Variants in CCDC40 observed in about 807,000 individuals in gnomAD.
CCDC40 encodes the protein coiled-coil domain-containing protein 40.
Under a neutral mutation model 124.5 loss-of-function variants are expected in CCDC40, and 104 were observed. That is an observed-to-expected ratio of 0.84 (90% confidence interval 0.71 to 0.98). CCDC40 has a LOEUF of 0.98. Among genes scored for constraint, CCDC40 ranks in the 50% least tolerant of loss-of-function variants. CCDC40 has a pLI of 0.00. For missense variants in CCDC40, 1,463 were observed against 1,503.9 expected, an observed-to-expected ratio of 0.97 and a Z score of 0.45; for synonymous variants, 580 against 602.9, an observed-to-expected ratio of 0.96 and a Z score of 0.56.
intron 3 of CCDC40, among the ~76,000 whole-genome samples, chr17:80,042,153 C>G (rs1220227196): frequency 1.3e-5 from 2 of 152,174 alleles, no homozygotes; most frequent in Non-Finnish European, 2.9e-5. Context: ...TAGTCTCGCT[C>G]TGTCACCCAG....
intron 10 of CCDC40, among the ~76,000 whole-genome samples, chr17:80,069,091 C>G (rs1236958139): frequency 6.6e-6 from 1 of 152,226 alleles, no homozygotes; most frequent in Non-Finnish European, 1.5e-5. Context: ...TCCTGACACC[C>G]ATGGCATTTT....
intron 10 of CCDC40, among the ~76,000 whole-genome samples, chr17:80,079,111 A>T (rs2038384850): frequency 6.6e-6 from 1 of 151,742 alleles, no homozygotes; most frequent in Admixed American, 6.6e-5. Flanking sequence ...TTTTTTTTGT[A>T]TTTTTAGTAG....
intron 2 of CCDC40, among the ~76,000 whole-genome samples, chr17:80,039,443 C>T (rs904342659): frequency 1.3e-5 from 2 of 149,858 alleles, no homozygotes; most frequent in African/African-American, 4.9e-5. Context: ...GACAGAGTCT[C>T]ACTCTGTCTC....
intron 9 of CCDC40, among the ~76,000 whole-genome samples, chr17:80,064,950 C>T (rs996000279): frequency 6.6e-6 from 1 of 152,058 alleles, no homozygotes; most frequent in Non-Finnish European, 1.5e-5. Flanking sequence ...CAGTCCGAAT[C>T]AATGACACCA....
chr17:80,100,179 C>CTTA lies in CCDC40; in HGVS notation c.*404_*405insTTA, dbSNP rs2038896185. The CTTA allele has an allele frequency of 3.5e-6, 1 of 283,472 alleles. No individual in the cohort carries two copies. The highest frequency in any genetic ancestry group is 6.9e-6 in the Non-Finnish European group (1 of 144,526). 17.6% of individuals were successfully genotyped at this position (283,472 alleles called of 1,614,324 possible). A position where few individuals can be genotyped will look rare whatever the true frequency, so the allele number is the denominator to read the frequency against. On this transcript the variant is annotated 3_prime_UTR_variant, in exon 20 of 20. Transcript: ENST00000397545. Reference sequence around the variant, plus strand: ...GTGGGAAAGTTAAGGCAGCTCCAGCCAGCCTGGCCCGGGAGGCTGGTCCCC... The same window carrying CTTA: ...GTGGGAAAGTTAAGGCAGCTCCAGCCTTAAGCCTGGCCCGGGAGGCTGGTCCCC...
At chr17:80,097,084 C>T (rs2038823210) in intron 18 of CCDC40, among the ~76,000 whole-genome samples, 161 bp from the exon 19 acceptor site, 2 of 152,324 alleles carry the variant, frequency 1.3e-5, no homozygotes, top group South Asian at 4.1e-4. Flanking sequence ...CTGGGCCTGG[C>T]ATCTCCCAGG....
rs897996208 is a variant in CCDC40 at position 80,089,765 on chromosome 17, C to T, written c.2713C>T (p.His905Tyr). 3 of 1,614,212 alleles carry T rather than the reference C, an allele frequency of 1.9e-6. No individual in the cohort carries two copies. Among genetic ancestry groups the T allele is most frequent in the Non-Finnish European group, 2.5e-6 (3 of 1,180,012 alleles). ...TLLNQLVEAEHQIMLWEKKIQ... is the reference protein window; with the variant it reads ...TLLNQLVEAEYQIMLWEKKIQ... ...ACACTGCCTCTCCTACCTCTAAAGA[C>T]ACCAGATTATGCTTTGGGAGAAAAA... Residue 905 changes from histidine (H) to tyrosine (Y), a missense_variant and splice_region_variant, in exon 17 of 20, where the codon CAC (histidine) becomes TAC (tyrosine). His to Tyr is a moderately conservative substitution (Grantham distance 83). Coordinates refer to ENST00000397545, the MANE Select transcript of CCDC40 (RefSeq NM_017950.4).
At chr17:80,080,475 T>C (rs1331002641) in intron 10 of CCDC40, among the ~76,000 whole-genome samples, 1 of 152,230 alleles carries the variant, frequency 6.6e-6, no homozygotes, top group Non-Finnish European at 1.5e-5. Context: ...TACAGGTATC[T>C]CATCGCAGCA....
intron 10 of CCDC40, chr17:80,065,950 A>G (rs1406536830): frequency 3.2e-6 from 2 of 617,996 alleles, no homozygotes; most frequent in East Asian, 5.5e-5. Flanking sequence ...CGGAAACCCC[A>G]TCCCTTCTCG....
At chr17:80,076,792 C>T (rs1176522906) in intron 10 of CCDC40, among the ~76,000 whole-genome samples, 1 of 151,702 alleles carries the variant, frequency 6.6e-6, no homozygotes, top group Non-Finnish European at 1.5e-5. Context: ...ATTACCCAGG[C>T]TGGAGTGCAG....
intron 10 of CCDC40, among the ~76,000 whole-genome samples, chr17:80,078,442 T>C (rs2038364710): frequency 6.6e-6 from 1 of 152,152 alleles, no homozygotes; most frequent in African/African-American, 2.4e-5. Context: ...ATCTGGTCCA[T>C]TTCAAGTTCA....
At chr17:80,090,043 C>T (rs1034836164) in intron 17 of CCDC40, 159 bp downstream of exon 17, 86 of 1,536,264 alleles carry the variant, frequency 5.6e-5, no homozygotes, top group Middle Eastern at 4.2e-4. Context: ...GGGAGCGACC[C>T]GCTCCAGCAG....
chr17:80,041,655 T>C (rs141931282), intron 3 of CCDC40, among the ~76,000 whole-genome samples: 78 of 152,310 alleles, frequency 5.1e-4, no homozygotes, highest in African/African-American at 1.8e-3. Flanking sequence ...TGCTCATATT[T>C]CTGTAGTCTC....
At position 80,068,016 on chromosome 17, in the gene CCDC40, G is replaced by A. The variant is rs1326394517; in HGVS notation, c.1562+2410G>A. ...ACACCAAGGCCCCGGGGAGGAGTGA[G>A]GCCCAACTTTTATTTATTATATTTT... On this transcript the variant is annotated intron_variant, in intron 10 of 19. Coordinates refer to ENST00000397545, the MANE Select transcript of CCDC40 (RefSeq NM_017950.4). 15 of 1,035,376 alleles carry A rather than the reference G, an allele frequency of 1.4e-5. No homozygotes were observed. In the Admixed American group the frequency reaches 6.9e-4, roughly 47 times the overall value. 64.1% of individuals were successfully genotyped at this position (1,035,376 alleles called of 1,614,324 possible).
rs761553150 is a variant in CCDC40, at chr17:80,050,261, C to T, written c.1137C>T (p.Ala379=). The change falls in exon 7 of 20, where the codon GCC becomes GCT. Residue 379 remains alanine, a synonymous_variant. Coordinates refer to ENST00000397545, the MANE Select transcript of CCDC40 (RefSeq NM_017950.4). ...CTCTCTACACCAAGACCTGCGCAGC[C>T]GCCAACGAGGAGCGCAAAAAGTGTA... ...ARALYTKTCA[A]ANEERKKLAA... 1.9e-5 allele frequency: 30 copies of T among 1,574,904 alleles called. No individual in the cohort carries two copies. Among genetic ancestry groups the T allele is most frequent in the Non-Finnish European group, 2.3e-5 (27 of 1,161,860 alleles).
At chr17:80,080,963 T>C (rs182880165) in intron 10 of CCDC40, among the ~76,000 whole-genome samples, 2 of 152,312 alleles carry the variant, frequency 1.3e-5, no homozygotes, top group African/African-American at 4.8e-5. Context: ...TGTGAGGTGA[T>C]AGATGGCCGG....
At chr17:80,095,128 G>A in intron 17 of CCDC40, 135 bp from the exon 18 acceptor site, 1 of 798,426 alleles carries the variant, frequency 1.3e-6, no homozygotes, top group Non-Finnish European at 2.1e-6. Context: ...CCTCCTGGCG[G>A]CACAGGCCTC....
chr17:80,050,931 G>GCCGGCACGACGGTCAGA (rs2037569942), intron 7 of CCDC40, among the ~76,000 whole-genome samples: 1 of 152,176 alleles, frequency 6.6e-6, no homozygotes, highest in African/African-American at 2.4e-5. Flanking sequence ...CGAGGGTGAG[G>GCCGGCACGACGGTCAGA]CCGGCACGAC....
intron 10 of CCDC40, chr17:80,067,465 A>G: frequency 1.2e-6 from 1 of 832,808 alleles, no homozygotes; most frequent in East Asian, 2.7e-5. Context: ...AGCACACCAC[A>G]CTCACTGTTC....
Sources: allele counts gnomAD v4.1 joint callset (sites outside exome capture counted in the v4.1 genomes callset), GRCh38; gene constraint gnomAD v4.1.1; transcripts MANE v1.5; gene names NCBI Gene and HGNC (gene_info 2026-07-23, HGNC 2026-07-21).